The following FRY variants were observed in gnomAD, a reference collection of about 807,000 sequenced individuals.
The protein encoded by FRY is FRY microtubule binding protein.
In FRY, 128 loss-of-function variants were observed where a neutral mutation model predicts 348.4. That is an observed-to-expected ratio of 0.37 (90% CI 0.32 to 0.43). The LOEUF (loss-of-function observed/expected upper bound fraction) is 0.43, where lower values mean the gene tolerates loss of function less well. Ranked by LOEUF, FRY falls within the 20% of genes least tolerant of loss-of-function variation. FRY has a pLI of 1.00. For missense variants in FRY, 2,736 were observed against 3,695.2 expected, an observed-to-expected ratio of 0.74 and a Z score of 6.73; for synonymous variants, 1,370 against 1,374.7, an observed-to-expected ratio of 1.00 and a Z score of 0.08.
Position 32,161,168 on chromosome 13 carries a change from T to C in FRY, c.1809T>C (p.Asp603=), listed in dbSNP as rs1462296227. Residue 603 remains aspartate, a synonymous_variant, in exon 17 of 61, where the codon GAT becomes GAC. Coordinates refer to ENST00000542859, the MANE Select transcript of FRY (RefSeq NM_023037.3). ...MITGERKPKI[D]LFRTCVAAIP... ...GGGGTGAGAGAAAGCCAAAAATAGATCTTTTCAGGACCTGTGTTGCTGCTA... is the reference window on the plus strand; with the variant it reads ...GGGGTGAGAGAAAGCCAAAAATAGACCTTTTCAGGACCTGTGTTGCTGCTA... The C allele has an allele frequency of 5.6e-6, 9 of 1,612,592 alleles. No homozygotes were observed. Among genetic ancestry groups the C allele is most frequent in the Non-Finnish European group, 6.8e-6 (8 of 1,178,762 alleles).
chr13:32,171,978 A>G (rs61946728), intron 18 of FRY, among the ~76,000 whole-genome samples: 24 of 13,444 alleles, frequency 1.8e-3, no homozygotes, highest in African/African-American at 3.0e-3. Flanking sequence ...GTGGATGTAG[A>G]TAGGATGTGG....
Position 32,229,277 on chromosome 13 carries a change from C to T in FRY, c.5405+623C>T, listed in dbSNP as rs374220952. ...AGGCTTCAGGATTTCTAACACCCTG[C>T]GGTCTGGTAGTTGTGTAAAACATGC... On this transcript the variant is annotated intron_variant, in intron 40 of 60. Coordinates refer to ENST00000542859, the MANE Select transcript of FRY (RefSeq NM_023037.3). Among the ~76,000 whole-genome samples, 16 of 152,252 alleles carry T rather than the reference C, an allele frequency of 1.1e-4. No individual in the cohort carries two copies. In the South Asian group the frequency reaches 2.5e-3, roughly 24 times the overall value.
intron 13 of FRY, among the ~76,000 whole-genome samples, chr13:32,148,239 C>T (rs2138833002): frequency 6.6e-6 from 1 of 152,314 alleles, no homozygotes; most frequent in Non-Finnish European, 1.5e-5. Context: ...CTTGACTCTT[C>T]ACCTCTGTTT....
At chr13:32,270,446 A>G (rs571976624) in intron 55 of FRY, among the ~76,000 whole-genome samples, 1 of 152,340 alleles carries the variant, frequency 6.6e-6, no homozygotes, top group African/African-American at 2.4e-5. Flanking sequence ...ACCTCAGGTG[A>G]TCCACCTGCC....
At chr13:32,191,705 A>G (rs1281339539) in intron 28 of FRY, among the ~76,000 whole-genome samples, 3 of 152,256 alleles carry the variant, frequency 2.0e-5, no homozygotes, top group East Asian at 1.9e-4. Flanking sequence ...CCTGGTTCAC[A>G]GGCAGCAGTC....
At chr13:32,094,469 T>C (rs940353825) in intron 2 of FRY, among the ~76,000 whole-genome samples, 4 of 148,976 alleles carry the variant, frequency 2.7e-5, no homozygotes, top group African/African-American at 9.9e-5. Flanking sequence ...TCTTTCTAAC[T>C]TTTTTTTTTA....
chr13:32,084,985 T>C (rs1211532184), intron 2 of FRY, among the ~76,000 whole-genome samples: 1 of 152,176 alleles, frequency 6.6e-6, no homozygotes, highest in Non-Finnish European at 1.5e-5. Flanking sequence ...AATGAATGAA[T>C]GAAACATTAA....
chr13:32,086,376 G>A (rs1220597601), intron 2 of FRY, among the ~76,000 whole-genome samples: 2 of 152,208 alleles, frequency 1.3e-5, no homozygotes, highest in Admixed American at 6.5e-5. Context: ...GTCTATGAAA[G>A]GATAGCAGCC....
At chr13:32,069,161 C>T (rs554184076) in intron 1 of FRY, among the ~76,000 whole-genome samples, 77 of 152,142 alleles carry the variant, frequency 5.1e-4, no homozygotes, top group Non-Finnish European at 8.7e-4. Flanking sequence ...GTGATCCACC[C>T]GTCTCGACCT....
chr13:32,120,488 G>A (rs181448477), intron 4 of FRY, among the ~76,000 whole-genome samples: 10 of 151,668 alleles, frequency 6.6e-5, no homozygotes, highest in Admixed American at 1.3e-4. Flanking sequence ...TTTTCCGTAC[G>A]TTATTGGGGT....
chr13:32,120,009 T>C (rs1290783991), intron 4 of FRY, among the ~76,000 whole-genome samples: 1 of 152,338 alleles, frequency 6.6e-6, no homozygotes, highest in South Asian at 2.1e-4. Flanking sequence ...CACATTATTT[T>C]CTTCTTATTC....
chr13:32,113,212 C>T (rs904888119), intron 3 of FRY, among the ~76,000 whole-genome samples: 7 of 152,112 alleles, frequency 4.6e-5, no homozygotes, highest in African/African-American at 1.7e-4. Context: ...CTCAGAGTTG[C>T]TTGACCACTT....
At chr13:32,118,676 A>C (rs1026928139) in intron 4 of FRY, among the ~76,000 whole-genome samples, 1 of 152,212 alleles carries the variant, frequency 6.6e-6, no homozygotes, top group African/African-American at 2.4e-5. Flanking sequence ...GTATATTTAC[A>C]GGGTTGTACA....
intron 11 of FRY, among the ~76,000 whole-genome samples, chr13:32,139,913 G>A (rs1481746601): frequency 1.3e-5 from 2 of 151,916 alleles, no homozygotes; most frequent in African/African-American, 4.8e-5. Flanking sequence ...AAAATGTTGA[G>A]TCACCATTTG....
At chr13:32,146,485 G>A (rs531501696) in intron 11 of FRY, among the ~76,000 whole-genome samples, 5 of 152,112 alleles carry the variant, frequency 3.3e-5, no homozygotes, top group South Asian at 2.1e-4. Flanking sequence ...ACAGGCACCC[G>A]CCACCAGGCC....
chr13:32,179,069 G>C (rs1882539215), intron 22 of FRY, 36 bp downstream of exon 22: 1 of 1,563,584 alleles, frequency 6.4e-7, no homozygotes, highest in South Asian at 1.1e-5. Flanking sequence ...TATTCTGTAA[G>C]GTTTTTTTTT....
intron 19 of FRY, 69 bp downstream of exon 19, chr13:32,173,618 A>G (rs1349726570): frequency 1.8e-6 from 2 of 1,106,710 alleles, no homozygotes; most frequent in East Asian, 2.3e-5. Flanking sequence ...ATTAAAAACT[A>G]CAAATGATGC....
At chr13:32,160,952 T>C (rs205009) in intron 16 of FRY, among the ~76,000 whole-genome samples, 192 bp from the exon 17 acceptor site, 105,034 of 152,044 alleles carry the variant, frequency 0.69, 36,733 homozygotes, top group East Asian at 0.98. Context: ...CTGTCTTACA[T>C]TTAAATTACT....
At chr13:32,184,410 T>A (rs1882897611) in intron 24 of FRY, among the ~76,000 whole-genome samples, 190 bp from the exon 25 acceptor site, 2 of 152,204 alleles carry the variant, frequency 1.3e-5, no homozygotes, top group African/African-American at 4.8e-5. Context: ...TTATGATGTT[T>A]TTTTTTCTTA....
Sources: allele counts gnomAD v4.1 joint callset (sites outside exome capture counted in the v4.1 genomes callset), GRCh38; gene constraint gnomAD v4.1.1; transcripts MANE v1.5; gene names NCBI Gene and HGNC (gene_info 2026-07-23, HGNC 2026-07-21).